Variants in CUX2 observed in about 807,000 individuals in gnomAD.
CUX2 encodes the protein cut like homeobox 2.
In CUX2, 40 loss-of-function variants were observed where a neutral mutation model predicts 144.8. That is an observed-to-expected ratio of 0.28 (90% confidence interval 0.21 to 0.36). The LOEUF is 0.36. Among genes scored for constraint, CUX2 ranks in the 10% least tolerant of loss-of-function variants. The pLI is 1.00. For missense variants in CUX2, 1,615 were observed against 1,994.0 expected, an observed-to-expected ratio of 0.81 and a Z score of 3.62; for synonymous variants, 827 against 875.6, an observed-to-expected ratio of 0.94 and a Z score of 0.98.
chr12:111,189,393 C>T (rs1425479922), intron 1 of CUX2, among the ~76,000 whole-genome samples: 1 of 152,250 alleles, frequency 6.6e-6, no homozygotes, highest in Non-Finnish European at 1.5e-5. Flanking sequence ...CTCCGAACTA[C>T]ACAGGCTTGA....
chr12:111,153,660 T>C (rs555048136), intron 1 of CUX2, among the ~76,000 whole-genome samples: 2 of 152,342 alleles, frequency 1.3e-5, no homozygotes, highest in South Asian at 4.1e-4. Context: ...GGTACATGAC[T>C]ATACCTGCCC....
intron 17 of CUX2, among the ~76,000 whole-genome samples, chr12:111,321,201 G>C (rs943298015): frequency 6.6e-6 from 1 of 152,090 alleles, no homozygotes; most frequent in Non-Finnish European, 1.5e-5. Flanking sequence ...GGGCACGGTG[G>C]CTCACACCTG....
chr12:111,249,603 C>T (rs958450158), intron 3 of CUX2, among the ~76,000 whole-genome samples: 3 of 151,510 alleles, frequency 2.0e-5, no homozygotes, highest in Non-Finnish European at 4.4e-5. Context: ...ATCACAGGCA[C>T]GCGACACCAT....
At chr12:111,193,579 C>T (rs1005699708) in intron 1 of CUX2, among the ~76,000 whole-genome samples, 1 of 152,204 alleles carries the variant, frequency 6.6e-6, no homozygotes, top group Non-Finnish European at 1.5e-5. Flanking sequence ...AATTGTAACG[C>T]CGGCCGCACA....
intron 18 of CUX2, among the ~76,000 whole-genome samples, chr12:111,328,128 A>G (rs944587501): frequency 2.0e-5 from 3 of 152,056 alleles, no homozygotes; most frequent in Non-Finnish European, 2.9e-5. Context: ...CCCTAGGGAG[A>G]GAGTGGTGAT....
At chr12:111,273,497 G>T (rs2136304350) in intron 4 of CUX2, among the ~76,000 whole-genome samples, 1 of 152,224 alleles carries the variant, frequency 6.6e-6, no homozygotes, top group East Asian at 1.9e-4. Flanking sequence ...AAAAATCCAA[G>T]GAGCTTGGAC....
chr12:111,060,915 G>A (rs184438624), intron 1 of CUX2, among the ~76,000 whole-genome samples: 73 of 152,350 alleles, frequency 4.8e-4, no homozygotes, highest in Non-Finnish European at 9.7e-4. Context: ...GGAAGGCCAA[G>A]TGCCAGGGAC....
At chr12:111,217,560 T>A (rs1482707023) in intron 2 of CUX2, among the ~76,000 whole-genome samples, 1 of 152,174 alleles carries the variant, frequency 6.6e-6, no homozygotes, top group Non-Finnish European at 1.5e-5. Flanking sequence ...ACCACCTATC[T>A]CACAAGATAT....
intron 1 of CUX2, among the ~76,000 whole-genome samples, chr12:111,049,903 A>G (rs1870180250): frequency 6.6e-6 from 1 of 152,158 alleles, no homozygotes; most frequent in African/African-American, 2.4e-5. Flanking sequence ...CCCTGGTTTT[A>G]CTGTTCAGTG....
Position 111,295,561 on chromosome 12 carries a change from G to C in CUX2, c.637+152G>C, listed in dbSNP as rs1885929779. ...TTGGGAAGAATAATCTTACCCAGTGGGGGGCTGAGCCTCTATGCCCCAGAG... is the reference window on the plus strand; with the variant it reads ...TTGGGAAGAATAATCTTACCCAGTGCGGGGCTGAGCCTCTATGCCCCAGAG... On this transcript the variant is annotated intron_variant, in intron 7 of 21. Coordinates refer to ENST00000261726, the MANE Select transcript of CUX2 (RefSeq NM_015267.4). The surrounding 1 kb of genome is among the most constrained non-coding windows in gnomAD (Gnocchi z 5.0). 3 of 651,132 alleles carry C rather than the reference G, an allele frequency of 4.6e-6. No homozygotes were observed. Among genetic ancestry groups the C allele is most frequent in the Admixed American group, 6.6e-5 (2 of 30,432 alleles). 40.3% of individuals were successfully genotyped at this position (651,132 alleles called of 1,614,324 possible).
chr12:111,116,213 A>T lies in CUX2; in HGVS notation c.63+81973A>T, dbSNP rs193186117. 1.4e-3 allele frequency among the ~76,000 whole-genome samples: 220 copies of T among 152,360 alleles called. 5 individuals are homozygous for T. The highest frequency in any genetic ancestry group is 0.012 in the Admixed American group (182 of 15,302). ...TGATTATAATACAGAAGTTTAATTTATCTGGGGGAACGAAAGATGTTGCTT... is the reference window on the plus strand; with the variant it reads ...TGATTATAATACAGAAGTTTAATTTTTCTGGGGGAACGAAAGATGTTGCTT... On this transcript the variant is annotated intron_variant, in intron 1 of 21. Transcript: ENST00000261726.
chr12:111,194,715 C>T (rs1345014508), intron 1 of CUX2, among the ~76,000 whole-genome samples: 2 of 152,228 alleles, frequency 1.3e-5, no homozygotes, highest in African/African-American at 2.4e-5. Context: ...CAGGTCACCT[C>T]GGTCCCTGAT....
Position 111,304,074 on chromosome 12 carries a change from A to G in CUX2, c.754-136A>G, listed in dbSNP as rs1886454136. The G allele has an allele frequency of 1.6e-6, 1 of 640,692 alleles. No individual in the cohort carries two copies. The highest frequency in any genetic ancestry group is 1.9e-5 in the South Asian group (1 of 53,244). The allele number at this position is 640,692 out of a possible 1,614,324, so 39.7% of individuals were successfully genotyped here. ...TGACTGGTCTTCATAGCTCCAGGAC[A>G]GGGTCCGGGACTAGGAAGGCAGGAC... On this transcript the variant is annotated intron_variant, in intron 9 of 21. Transcript: ENST00000261726. The surrounding 1 kb of genome is among the most constrained non-coding windows in gnomAD (Gnocchi z 4.7).
intron 1 of CUX2, among the ~76,000 whole-genome samples, chr12:111,120,012 C>T (rs976386911): frequency 4.6e-5 from 7 of 152,108 alleles, no homozygotes; most frequent in Non-Finnish European, 2.9e-5. Context: ...GAGTCAAGAT[C>T]GCGGCACTGC....
intron 1 of CUX2, among the ~76,000 whole-genome samples, chr12:111,140,315 G>T (rs1257893495): frequency 2.0e-5 from 3 of 152,134 alleles, no homozygotes; most frequent in Non-Finnish European, 4.4e-5. Context: ...ATTGATGGGG[G>T]ACAATTGACA....
chr12:111,172,997 A>C (rs753375859), intron 1 of CUX2, among the ~76,000 whole-genome samples: 6 of 152,240 alleles, frequency 3.9e-5, no homozygotes, highest in Non-Finnish European at 8.8e-5. Context: ...CCTCTCAGCC[A>C]GAAGACTTGG....
In CUX2 at chr12:111,348,074, C is replaced by T. The variant is rs2136460448; in HGVS notation, c.4210C>T (p.Pro1404Ser). The change falls in exon 22 of 22, where the codon CCA (proline) becomes TCA (serine). Residue 1404 changes from proline (P) to serine (S), a missense_variant. Transcript: ENST00000261726. ...SLNSPSAASS[P>S]GLMMSVSPVP... ...GAACTCGCCCTCGGCCGCCTCCTCACCAGGCCTCATGATGTCTGTGTCACC... is the reference window on the plus strand; with the variant it reads ...GAACTCGCCCTCGGCCGCCTCCTCATCAGGCCTCATGATGTCTGTGTCACC... 6.2e-7 allele frequency: 1 copy of T among 1,614,104 alleles called. No individual in the cohort carries two copies. Among genetic ancestry groups the T allele is most frequent in the East Asian group, 2.2e-5 (1 of 44,874 alleles).
In CUX2 at chr12:111,320,031, G is replaced by T; in HGVS notation, c.2022G>T (p.Val674=). The change falls in exon 17 of 22, where the codon GTG becomes GTT. Residue 674 remains valine, a synonymous_variant. Transcript: ENST00000261726. The surrounding 1 kb of genome is among the most constrained non-coding windows in gnomAD (Gnocchi z 8.1). The part of the protein sequence containing the change: ...SQKGGEPKTS[V]APLSIANGTT... ...CCGCAGGCGAGCCCAAGACCTCGGT[G>T]GCCCCGCTGAGCATCGCCAACGGCA... 1 of 1,534,580 alleles carries T rather than the reference G, an allele frequency of 6.5e-7. No homozygotes were observed. Among genetic ancestry groups the T allele is most frequent in the Non-Finnish European group, 8.7e-7 (1 of 1,145,936 alleles).
intron 1 of CUX2, among the ~76,000 whole-genome samples, chr12:111,055,978 T>C (rs1449896397): frequency 6.6e-6 from 1 of 152,218 alleles, no homozygotes; most frequent in Non-Finnish European, 1.5e-5. Context: ...CAGTGTTATC[T>C]TCTGTAACAT....
Sources: gnomAD v4.1 joint callset for allele counts (sites outside exome capture counted in the v4.1 genomes callset) on GRCh38, gnomAD v4.1.1 for gene constraint, Gnocchi (gnomAD v3.1) non-coding constraint, MANE v1.5 for transcripts, NCBI Gene and HGNC (gene_info 2026-07-23, HGNC 2026-07-21) for gene names.